Variants in CEP112 observed in about 807,000 individuals in gnomAD.
The protein encoded by CEP112 is centrosomal protein 112, also known as centrosomal protein of 112 kDa.
Under a neutral mutation model 153.0 loss-of-function variants are expected in CEP112, and 127 were observed. The ratio of observed to expected loss-of-function variants is 0.83; its 90% CI spans 0.72 to 0.96. The LOEUF (loss-of-function observed/expected upper bound fraction) is 0.96. Ranked by LOEUF, CEP112 falls within the 40% of genes least tolerant of loss-of-function variation. CEP112 has a pLI of 0.00. For missense variants in CEP112, 1,089 were observed against 1,101.2 expected, an observed-to-expected ratio of 0.99 and a Z score of 0.16; for synonymous variants, 358 against 374.4, an observed-to-expected ratio of 0.96 and a Z score of 0.51.
At chr17:65,677,825 A>C (rs1187833498) in intron 24 of CEP112, among the ~76,000 whole-genome samples, 1 of 152,156 alleles carries the variant, frequency 6.6e-6, no homozygotes, top group Non-Finnish European at 1.5e-5. Flanking sequence ...AGGCATGAGA[A>C]TAGCTTGAAC....
intron 6 of CEP112, among the ~76,000 whole-genome samples, chr17:66,125,488 C>G (rs951506417): frequency 6.6e-6 from 1 of 151,936 alleles, no homozygotes; most frequent in Non-Finnish European, 1.5e-5. Context: ...TGCACTTTAG[C>G]CTTGGTGACA....
intron 18 of CEP112, among the ~76,000 whole-genome samples, chr17:65,938,173 T>G (rs542635638): frequency 7.5e-6 from 1 of 133,290 alleles, no homozygotes; most frequent in East Asian, 2.8e-4. Context: ...TTAAATGGAT[T>G]AAGGGCGGGG....
At chr17:65,865,553 C>T (rs943514521) in intron 20 of CEP112, among the ~76,000 whole-genome samples, 2 of 152,204 alleles carry the variant, frequency 1.3e-5, no homozygotes, top group Non-Finnish European at 2.9e-5. Context: ...GGGCAGGACC[C>T]ACTTCCAGGC....
chr17:65,750,604 T>G, intron 22 of CEP112, 58 bp downstream of exon 22: 13 of 1,424,610 alleles, frequency 9.1e-6, no homozygotes, highest in Non-Finnish European at 1.3e-5. Context: ...GGCTTTTATG[T>G]GGAGGTTTCA....
Position 65,964,924 on chromosome 17 carries a change from T to G in CEP112, c.1737-3326A>C, listed in dbSNP as rs771481749. The stretch of plus-strand genomic sequence containing the variant: ...AGTATATTGAACATGATTTGAAAAC[T>G]TTAAAAGTTTATATATCACTTACTT... On this transcript the variant is annotated intron_variant, in intron 17 of 26. Coordinates refer to ENST00000535342, the MANE Select transcript of CEP112 (RefSeq NM_001199165.4). 6.0e-4 allele frequency among the ~76,000 whole-genome samples: 91 copies of G among 152,322 alleles called. 1 individual carries two copies. Among genetic ancestry groups the G allele is most frequent in the Non-Finnish European group, 7.4e-4 (50 of 68,018 alleles).
At chr17:65,731,032 T>A (rs2050476868) in intron 23 of CEP112, among the ~76,000 whole-genome samples, 1 of 152,144 alleles carries the variant, frequency 6.6e-6, no homozygotes, top group African/African-American at 2.4e-5. Context: ...GGTGCAGTGA[T>A]GCCAGAAGAA....
intron 4 of CEP112, among the ~76,000 whole-genome samples, chr17:66,134,616 T>C (rs756738199): frequency 1.1e-4 from 17 of 152,194 alleles, no homozygotes; most frequent in Non-Finnish European, 1.9e-4. Context: ...GGTCAGCCTA[T>C]TGCTTAAACT....
intron 21 of CEP112, among the ~76,000 whole-genome samples, chr17:65,758,213 C>T (rs987439961): frequency 3.9e-5 from 6 of 152,064 alleles, no homozygotes; most frequent in African/African-American, 1.2e-4. Context: ...TAGTAGTGGT[C>T]GTTGTTTTCA....
At chr17:65,799,632 G>A (rs1053421054) in intron 21 of CEP112, among the ~76,000 whole-genome samples, 3 of 152,212 alleles carry the variant, frequency 2.0e-5, no homozygotes, top group Non-Finnish European at 4.4e-5. Flanking sequence ...CCTTAGGCAA[G>A]TCCTAAAGCA....
chr17:65,768,414 C>A (rs1346362516), intron 21 of CEP112, among the ~76,000 whole-genome samples: 2 of 151,974 alleles, frequency 1.3e-5, no homozygotes, highest in Non-Finnish European at 2.9e-5. Flanking sequence ...TAGACCCATG[C>A]AGTTCAAACC....
intron 12 of CEP112, among the ~76,000 whole-genome samples, chr17:66,047,688 A>G (rs1195251849): frequency 6.6e-6 from 1 of 152,252 alleles, no homozygotes; most frequent in African/African-American, 2.4e-5. Flanking sequence ...ACATACATGT[A>G]AAGGGTTGAA....
Position 66,132,656 on chromosome 17 carries a change from A to G in CEP112, c.564+14T>C. 1 of 1,587,002 alleles carries G rather than the reference A, an allele frequency of 6.3e-7. No homozygotes were observed. Among genetic ancestry groups the G allele is most frequent in the Non-Finnish European group, 8.7e-7 (1 of 1,155,708 alleles). On this transcript the variant is annotated intron_variant, in intron 5 of 26. Transcript: ENST00000535342. ...AACAAGCAAAAACCAAACAAAAGTA[A>G]AATCTAATCTTACACAAATCTTTGG... is the stretch of plus-strand genomic sequence containing the variant.
intron 4 of CEP112, among the ~76,000 whole-genome samples, chr17:66,149,426 T>G (rs1162464261): frequency 1.3e-5 from 2 of 152,234 alleles, no homozygotes; most frequent in East Asian, 3.8e-4. Context: ...CTTCTTTAAA[T>G]GTTTGGTAAA....
chr17:65,981,985 A>G (rs929229065), intron 17 of CEP112, among the ~76,000 whole-genome samples: 1 of 152,214 alleles, frequency 6.6e-6, no homozygotes, highest in Non-Finnish European at 1.5e-5. Flanking sequence ...GCCAGCAAGT[A>G]TAACAACCTA....
chr17:65,864,236 G>C (rs184109152), intron 20 of CEP112, among the ~76,000 whole-genome samples: 41 of 152,058 alleles, frequency 2.7e-4, no homozygotes, highest in Non-Finnish European at 4.1e-4. Context: ...GCCACTCCAT[G>C]TGTCCACCTA....
At chr17:66,080,706 C>T (rs557388224) in intron 8 of CEP112, among the ~76,000 whole-genome samples, 9 of 152,198 alleles carry the variant, frequency 5.9e-5, no homozygotes, top group Admixed American at 2.0e-4. Flanking sequence ...TAAAGACACA[C>T]GAACATGTAT....
chr17:66,045,261 G>A (rs144767033), intron 12 of CEP112, among the ~76,000 whole-genome samples: 1 of 152,046 alleles, frequency 6.6e-6, no homozygotes, highest in Admixed American at 6.6e-5. Context: ...GTAGAGATGG[G>A]GTCTTGCTGT....
At chr17:65,662,822 A>C (rs1260168997) in intron 24 of CEP112, among the ~76,000 whole-genome samples, 1 of 152,190 alleles carries the variant, frequency 6.6e-6, no homozygotes, top group Non-Finnish European at 1.5e-5. Flanking sequence ...TGAAAATTCC[A>C]ACTTCATCTA....
At chr17:66,084,627 T>G (rs748590837) in intron 8 of CEP112, among the ~76,000 whole-genome samples, 10 of 151,776 alleles carry the variant, frequency 6.6e-5, no homozygotes, top group Non-Finnish European at 8.8e-5. Flanking sequence ...ATTGAACTCA[T>G]GGAGATAGAG....
Sources: gnomAD v4.1 joint callset for allele counts (sites outside exome capture counted in the v4.1 genomes callset) on GRCh38, gnomAD v4.1.1 for gene constraint, MANE v1.5 for transcripts, NCBI Gene and HGNC (gene_info 2026-07-23, HGNC 2026-07-21) for gene names.